Variants in RARB observed in about 807,000 individuals in gnomAD.
RARB encodes retinoic acid receptor beta.
Under a neutral mutation model 51.9 loss-of-function variants are expected in RARB, and 17 were observed. The ratio of observed to expected loss-of-function variants is 0.33; its 90% CI spans 0.22 to 0.49. The LOEUF (loss-of-function observed/expected upper bound fraction) is 0.49, where lower values mean the gene tolerates loss of function less well. RARB is among the 20% of genes least tolerant of loss of function. RARB has a pLI of 0.99. For synonymous variants in RARB, 215 were observed against 195.4 expected (o/e 1.10, Z -0.84); for missense variants, 369 against 550.8 (o/e 0.67, Z 3.30).
intron 2 of RARB, among the ~76,000 whole-genome samples, chr3:24,983,336 T>G (rs1696717774): frequency 6.6e-6 from 1 of 152,114 alleles, no homozygotes. Flanking sequence ...ATCTTTCTCC[T>G]TCCCCTGGTT....
chr3:25,505,044 G>A (rs1697516176), intron 3 of RARB, among the ~76,000 whole-genome samples: 1 of 152,118 alleles, frequency 6.6e-6, no homozygotes, highest in Non-Finnish European at 1.5e-5. Context: ...CTCCCAGAGT[G>A]CTGGGATTAC....
chr3:25,259,844 T>C (rs1249911951), intron 5 of RARB: 23 of 923,642 alleles, frequency 2.5e-5, no homozygotes, highest in Non-Finnish European at 3.0e-5. Flanking sequence ...TTGGTATCTG[T>C]CATTGCTTCC....
intron 1 of RARB, among the ~76,000 whole-genome samples, chr3:25,434,986 A>C (rs1287558210): frequency 6.6e-6 from 1 of 152,008 alleles, no homozygotes; most frequent in Non-Finnish European, 1.5e-5. Flanking sequence ...TTAAACCCAG[A>C]TTTATTTTCA....
intron 3 of RARB, among the ~76,000 whole-genome samples, chr3:25,508,041 C>T (rs1697696632): frequency 1.3e-5 from 2 of 152,154 alleles, no homozygotes; most frequent in Admixed American, 1.3e-4. Flanking sequence ...TGTTTATGTG[C>T]CCATGCCCTT....
chr3:25,358,452 C>A (rs747122672), intron 5 of RARB, among the ~76,000 whole-genome samples: 1 of 152,174 alleles, frequency 6.6e-6, no homozygotes, highest in Non-Finnish European at 1.5e-5. Context: ...TTCCTCTCTT[C>A]CTATTTCAAA....
At chr3:25,171,643 T>TAAAAAA (rs770248970) in intron 4 of RARB, among the ~76,000 whole-genome samples, 4 of 45,460 alleles carry the variant, frequency 8.8e-5, no homozygotes, top group Non-Finnish European at 1.6e-4. Context: ...CCCTGGTTGG[T>TAAAAAA]AAAAAAAAAA....
chr3:24,968,144 T>C (rs1358719999), intron 2 of RARB, among the ~76,000 whole-genome samples: 1 of 152,152 alleles, frequency 6.6e-6, no homozygotes, highest in African/African-American at 2.4e-5. Context: ...AACCATCTAC[T>C]TGAGGGCCAA....
At chr3:25,590,986 G>T (rs1701588539) in intron 5 of RARB, among the ~76,000 whole-genome samples, 1 of 152,148 alleles carries the variant, frequency 6.6e-6, no homozygotes, top group Non-Finnish European at 1.5e-5. Context: ...TGACCTCTGG[G>T]TTTTCTTACT....
intron 2 of RARB, among the ~76,000 whole-genome samples, chr3:24,990,156 A>G (rs1575108433): frequency 1.1e-5 from 1 of 94,546 alleles, no homozygotes; most frequent in African/African-American, 4.2e-5. Flanking sequence ...ACTATTGTTT[A>G]TTTTCTTTTT....
chr3:25,510,211 T>G (rs556208868), intron 3 of RARB, among the ~76,000 whole-genome samples: 1 of 152,316 alleles, frequency 6.6e-6, no homozygotes, highest in African/African-American at 2.4e-5. Context: ...GGGTCTTAAT[T>G]CTAATTCCCA....
chr3:25,001,427 G>A (rs201606482), intron 2 of RARB, among the ~76,000 whole-genome samples: 2 of 152,212 alleles, frequency 1.3e-5, no homozygotes, highest in East Asian at 3.9e-4. Flanking sequence ...CAGCAGAGTA[G>A]CAATGTGGAT....
At chr3:25,448,165 C>A (rs189213474) in intron 1 of RARB, among the ~76,000 whole-genome samples, 126 of 152,032 alleles carry the variant, frequency 8.3e-4, no homozygotes, top group Non-Finnish European at 1.6e-3. Context: ...GGCCGACTCC[C>A]GAGTTCATAC....
intron 2 of RARB, among the ~76,000 whole-genome samples, chr3:24,883,542 G>A (rs1703212925): frequency 6.6e-6 from 1 of 152,086 alleles, no homozygotes; most frequent in Non-Finnish European, 1.5e-5. Context: ...AAATACATTA[G>A]ACTTGGTGCA....
intron 5 of RARB, among the ~76,000 whole-genome samples, chr3:25,211,996 G>C (rs917222902): frequency 6.6e-6 from 1 of 152,110 alleles, no homozygotes; most frequent in African/African-American, 2.4e-5. Context: ...AAGGAAAAGA[G>C]ATATATTTTA....
intron 5 of RARB, among the ~76,000 whole-genome samples, chr3:25,374,167 C>T (rs1049314568): frequency 6.6e-6 from 1 of 152,050 alleles, no homozygotes; most frequent in African/African-American, 2.4e-5. Context: ...AAGGCAGGGA[C>T]TGGGGTCAGT....
intron 5 of RARB, among the ~76,000 whole-genome samples, chr3:25,405,825 C>T (rs1349424654): frequency 1.3e-5 from 2 of 152,068 alleles, no homozygotes. Flanking sequence ...GAAAGCACTT[C>T]TGTTATCTTG....
At chr3:24,851,197 G>C (rs908071236) in intron 1 of RARB, among the ~76,000 whole-genome samples, 2 of 152,236 alleles carry the variant, frequency 1.3e-5, no homozygotes, top group African/African-American at 2.4e-5. Flanking sequence ...CACTTTGAGA[G>C]GGGGAGAATT....
intron 5 of RARB, among the ~76,000 whole-genome samples, chr3:25,360,122 A>T (rs1705881603): frequency 6.6e-6 from 1 of 152,182 alleles, no homozygotes; most frequent in Non-Finnish European, 1.5e-5. Context: ...GTCTCTTTGT[A>T]GGTCTCTAAG....
In RARB at chr3:25,236,362, T is replaced by TC. The variant is rs371607232; in HGVS notation, c.178+61788dup. 3.1e-3 allele frequency among the ~76,000 whole-genome samples: 465 copies of TC among 152,292 alleles called. 1 individual carries two copies. Among genetic ancestry groups the TC allele is most frequent in the Middle Eastern group, 6.8e-3 (2 of 294 alleles). On this transcript the variant is annotated intron_variant, in intron 5 of 11. Transcript: ENST00000383772. ...TAATAATACCCTGTTAATTCTTATC[T>TC]CAGAATAGCAGATGATTAATTTGTT... is the stretch of plus-strand genomic sequence containing the variant.
Sources: allele counts gnomAD v4.1 joint callset (sites outside exome capture counted in the v4.1 genomes callset), GRCh38; gene constraint gnomAD v4.1.1; transcripts MANE v1.5; gene names NCBI Gene and HGNC (gene_info 2026-07-23, HGNC 2026-07-21).